GOLM2: variants seen among roughly 807,000 people sequenced by gnomAD.
The protein encoded by GOLM2 is protein GOLM2.
GOLM2 carries 26 observed loss-of-function variants against 55.9 expected under a neutral mutation model. The observed-to-expected ratio is 0.47, with a 90% CI of 0.34 to 0.65. The LOEUF is 0.65. Ranked by LOEUF, GOLM2 falls within the 30% of genes least tolerant of loss-of-function variation. GOLM2 has a pLI of 0.01. For synonymous variants in GOLM2, 165 were observed against 194.6 expected (o/e 0.85, Z 1.27); for missense variants, 486 against 531.8 (o/e 0.91, Z 0.85).
intron 6 of GOLM2, among the ~76,000 whole-genome samples, chr15:44,356,841 C>T (rs889108650): frequency 5.3e-5 from 8 of 152,094 alleles, no homozygotes; most frequent in Non-Finnish European, 1.2e-4. Context: ...CAAAAATTCT[C>T]AATGAAATAT....
chr15:44,304,080 C>T (rs2078818612), intron 1 of GOLM2, among the ~76,000 whole-genome samples: 1 of 151,562 alleles, frequency 6.6e-6, no homozygotes. Flanking sequence ...GCTATGTTCC[C>T]CAGGGCTGGT....
rs541494493 is a variant in GOLM2 at position 44,379,791 on chromosome 15, A to G, written c.901+3A>G. 11 of 1,543,706 alleles carry G rather than the reference A, an allele frequency of 7.1e-6. No homozygotes were observed. In the African/African-American group the frequency reaches 8.2e-5, roughly 11 times the overall value. On this transcript the variant is annotated splice_donor_region_variant and intron_variant, in intron 7 of 9. Transcript: ENST00000299957. ...TCTCTCCCCAAATATGCCTCCAGGT[A>G]TGAAGGCTTATGCTTATAATTCCAT... is the stretch of plus-strand genomic sequence containing the variant.
chr15:44,313,408 T>C lies in GOLM2; in HGVS notation c.328-9557T>C, dbSNP rs190989515. Among the ~76,000 whole-genome samples, 765 of 152,334 alleles carry C rather than the reference T, an allele frequency of 5.0e-3. 6 individuals are homozygous for C. Among genetic ancestry groups the C allele is most frequent in the African/African-American group, 0.017 (726 of 41,562 alleles). ...AGCATTCTATGTTCTTGGCTTCTTA[T>C]CTCTCAGTTTACTTCTTAGTCTCCT... On this transcript the variant is annotated intron_variant, in intron 1 of 9. Transcript: ENST00000299957.
intron 1 of GOLM2, among the ~76,000 whole-genome samples, chr15:44,316,538 G>A (rs985125764): frequency 1.3e-5 from 2 of 151,944 alleles, no homozygotes; most frequent in East Asian, 3.9e-4. Flanking sequence ...GCCAAATCAC[G>A]AGGTCAGGAG....
chr15:44,404,362 A>T (rs2079584328), intron 9 of GOLM2, among the ~76,000 whole-genome samples: 1 of 152,142 alleles, frequency 6.6e-6, no homozygotes, highest in African/African-American at 2.4e-5. Flanking sequence ...TTACCTAGGC[A>T]CTGTTTTCAT....
intron 6 of GOLM2, among the ~76,000 whole-genome samples, chr15:44,354,057 A>G (rs2079181613): frequency 6.6e-6 from 1 of 152,104 alleles, no homozygotes; most frequent in East Asian, 1.9e-4. Flanking sequence ...TACACCTACC[A>G]TGTACCCACA....
chr15:44,292,699 C>T (rs576311051), intron 1 of GOLM2, among the ~76,000 whole-genome samples: 103 of 152,202 alleles, frequency 6.8e-4, no homozygotes, highest in Middle Eastern at 6.8e-3. Context: ...TCTTGGGCTG[C>T]TTGTGAATGT....
chr15:44,340,886 A>G (rs1007263803), intron 6 of GOLM2, among the ~76,000 whole-genome samples: 4 of 152,154 alleles, frequency 2.6e-5, no homozygotes, highest in African/African-American at 9.7e-5. Context: ...TGTGTATTTT[A>G]AAAACTATAC....
intron 2 of GOLM2, among the ~76,000 whole-genome samples, chr15:44,323,568 G>GA (rs968987390): frequency 5.0e-4 from 71 of 142,600 alleles, no homozygotes; most frequent in South Asian, 8.8e-4. Context: ...CTTTTATGGA[G>GA]AAAAAAAAAA....
chr15:44,300,348 A>G (rs1313872905), intron 1 of GOLM2, among the ~76,000 whole-genome samples: 1 of 152,120 alleles, frequency 6.6e-6, no homozygotes, highest in Non-Finnish European at 1.5e-5. Context: ...TATTAAATAT[A>G]TTGGGCACTT....
At chr15:44,342,369 G>C (rs897935078) in intron 6 of GOLM2, among the ~76,000 whole-genome samples, 2 of 151,874 alleles carry the variant, frequency 1.3e-5, no homozygotes, top group Admixed American at 6.6e-5. Context: ...GGCTCAAGTG[G>C]TACTCCCACA....
Position 44,332,069 on chromosome 15 carries a change from G to T in GOLM2, c.567G>T (p.Glu189Asp). The change falls in exon 4 of 10, where the codon GAG becomes GAT. Residue 189 changes from glutamate (E) to aspartate (D), a missense_variant. Transcript: ENST00000299957. ...NIKKLADQFL[E>D]EQKQETQKIQ... ...AAAAGTTAGCAGACCAGTTTTTAGA[G>T]GAACAAAAGGTAAATTTTAAAAATA... 1 of 1,540,040 alleles carries T rather than the reference G, an allele frequency of 6.5e-7. No individual in the cohort carries two copies. Among genetic ancestry groups the T allele is most frequent in the Non-Finnish European group, 8.9e-7 (1 of 1,127,420 alleles).
At chr15:44,364,524 A>C (rs1595650542) in intron 6 of GOLM2, among the ~76,000 whole-genome samples, 1 of 151,712 alleles carries the variant, frequency 6.6e-6, no homozygotes. Flanking sequence ...TGACAGCGCA[A>C]GACTCCATCT....
chr15:44,344,123 G>A (rs2079106487), intron 6 of GOLM2, among the ~76,000 whole-genome samples: 1 of 151,640 alleles, frequency 6.6e-6, no homozygotes, highest in Non-Finnish European at 1.5e-5. Context: ...AGCCAGTCAT[G>A]GTGGCACACG....
chr15:44,312,214 C>G (rs1314173473), intron 1 of GOLM2, among the ~76,000 whole-genome samples: 1 of 152,150 alleles, frequency 6.6e-6, no homozygotes, highest in Non-Finnish European at 1.5e-5. Flanking sequence ...TCAAGCACAG[C>G]TGCAGAAAAT....
rs114081998 is a variant in GOLM2, at chr15:44,365,505, T to G, written c.803-14185T>G. Among the ~76,000 whole-genome samples, 1,271 of 151,670 alleles carry G rather than the reference T, an allele frequency of 8.4e-3. 21 individuals carry two copies. The highest frequency in any genetic ancestry group is 0.029 in the African/African-American group (1,206 of 41,300). On this transcript the variant is annotated intron_variant, in intron 6 of 9. Transcript: ENST00000299957. ...CTGCACTCCAGCCTGGACAATGGAG[T>G]AAGAACCTGTGTCAAAAACAAAAAA...
intron 6 of GOLM2, among the ~76,000 whole-genome samples, chr15:44,350,497 A>G (rs1051440884): frequency 2.0e-5 from 3 of 152,208 alleles, no homozygotes; most frequent in African/African-American, 4.8e-5. Context: ...TCCAGCAAAG[A>G]AAAGCCCGGG....
intron 6 of GOLM2, among the ~76,000 whole-genome samples, chr15:44,358,878 C>A (rs990864288): frequency 3.3e-5 from 5 of 152,100 alleles, no homozygotes; most frequent in Admixed American, 6.5e-5. Flanking sequence ...AACTTCTGGC[C>A]GGGCACGGTG....
intron 6 of GOLM2, among the ~76,000 whole-genome samples, chr15:44,340,488 C>T (rs1271755297): frequency 6.6e-6 from 1 of 152,176 alleles, no homozygotes; most frequent in Non-Finnish European, 1.5e-5. Context: ...TAACTCCAGT[C>T]TTCAAGCGAT....
Sources: allele counts gnomAD v4.1 joint callset (sites outside exome capture counted in the v4.1 genomes callset), GRCh38; gene constraint gnomAD v4.1.1; transcripts MANE v1.5; gene names NCBI Gene and HGNC (gene_info 2026-07-23, HGNC 2026-07-21).